FOXN1: variants seen among roughly 807,000 people sequenced by gnomAD.
The protein encoded by FOXN1 is forkhead box N1.
In FOXN1, 15 loss-of-function variants were observed where a neutral mutation model predicts 49.0. The observed-to-expected ratio is 0.31, with a 90% CI of 0.20 to 0.47. The LOEUF (loss-of-function observed/expected upper bound fraction) is 0.47, where lower values mean the gene tolerates loss of function less well. Among genes scored for constraint, FOXN1 ranks in the 20% least tolerant of loss-of-function variants. The pLI, the probability that FOXN1 is intolerant of heterozygous loss-of-function variation, is 1.00. For missense variants in FOXN1, 800 were observed against 842.8 expected (o/e 0.95, Z 0.63); for synonymous variants, 356 against 369.0 (o/e 0.96, Z 0.40).
chr17:28,528,328 AG>A (rs2069821715), intron 4 of FOXN1, among the ~76,000 whole-genome samples: 1 of 152,166 alleles, frequency 6.6e-6, no homozygotes, highest in Admixed American at 6.5e-5. Flanking sequence ...GATGTCCCTG[AG>A]GCAGGGACAG....
intron 6 of FOXN1, among the ~76,000 whole-genome samples, chr17:28,532,117 G>GA: frequency 6.6e-6 from 1 of 152,232 alleles, no homozygotes; most frequent in South Asian, 2.1e-4. Context: ...CAGAGAGAGG[G>GA]AAAAGCCCAG....
intron 1 of FOXN1, among the ~76,000 whole-genome samples, chr17:28,514,941 C>A (rs1371082829): frequency 6.6e-6 from 1 of 152,070 alleles, no homozygotes; most frequent in Non-Finnish European, 1.5e-5. Context: ...AAGGTGGGGC[C>A]GTGTAGCGTA....
At position 28,518,762 on chromosome 17, in the gene FOXN1, A is replaced by G. The variant is rs77810132; in HGVS notation, c.-14-5194A>G. ...GCCAGGGGTGCCCTCCTGGAGAGTG[A>G]GCATCTGGCGGTATGGTCATGGCTC... On this transcript the variant is annotated intron_variant, in intron 1 of 8. Coordinates refer to ENST00000579795, the MANE Select transcript of FOXN1 (RefSeq NM_001369369.1). Among the ~76,000 whole-genome samples, 3 of 152,166 alleles carry G rather than the reference A, an allele frequency of 2.0e-5. No homozygotes were observed. In the East Asian group the frequency reaches 5.8e-4, roughly 29 times the overall value.
At position 28,537,363 on chromosome 17, in the gene FOXN1, C is replaced by G; in HGVS notation, c.1874C>G (p.Pro625Arg). 1.2e-6 allele frequency: 2 copies of G among 1,612,658 alleles called. No individual in the cohort carries two copies. The highest frequency in any genetic ancestry group is 3.3e-5 in the Admixed American group (2 of 60,006). Reference protein sequence around the residue: ...TLYSAFMELEPTPPTAPAGPS... With the variant: ...TLYSAFMELERTPPTAPAGPS... ...TACTCTGCCTTTATGGAGCTGGAGC[C>G]CACGCCCCCCACGGCCCCTGCAGGC... Residue 625 changes from proline (P) to arginine (R), a missense_variant, in exon 9 of 9, where the codon CCC (proline) becomes CGC (arginine). Around this residue, in one of 3 missense-constraint regions of FOXN1, gnomAD observed 344 missense variants for 366.1 expected, o/e 0.94. Coordinates refer to ENST00000579795, the MANE Select transcript of FOXN1 (RefSeq NM_001369369.1).
chr17:28,526,477 G>A (rs1172288096), intron 3 of FOXN1, among the ~76,000 whole-genome samples: 1 of 152,204 alleles, frequency 6.6e-6, no homozygotes, highest in Non-Finnish European at 1.5e-5. Flanking sequence ...CCTCCTGTCC[G>A]TACTCACCGG....
chr17:28,525,105 C>T lies in FOXN1; in HGVS notation c.588+138C>T, dbSNP rs561116485. 151 of 739,218 alleles carry T rather than the reference C, an allele frequency of 2.0e-4. No homozygotes were observed. In the African/African-American group the frequency reaches 2.4e-3, roughly 12 times the overall value. The allele number at this position is 739,218 out of a possible 1,614,324, so 45.8% of individuals were successfully genotyped here. ...CCACTCAAGACCAGAGAGTTGGGGC[C>T]TCCTGGTCAGCTGGGGAGGGGTGTT... On this transcript the variant is annotated intron_variant, in intron 3 of 8. Transcript: ENST00000579795.
intron 6 of FOXN1, among the ~76,000 whole-genome samples, chr17:28,531,249 T>C (rs2069906444): frequency 6.6e-6 from 1 of 152,244 alleles, no homozygotes; most frequent in East Asian, 1.9e-4. Context: ...CCACGGTGAC[T>C]GGGAGGTCGG....
At chr17:28,530,587 G>A (rs924723869) in intron 5 of FOXN1, among the ~76,000 whole-genome samples, 162 bp from the exon 6 acceptor site, 6 of 152,196 alleles carry the variant, frequency 3.9e-5, no homozygotes, top group Admixed American at 1.3e-4. Context: ...ACCCTCGCAC[G>A]TCTGTAATTC....
Position 28,538,562 on chromosome 17 carries a change from T to A in FOXN1, c.*1126T>A, listed in dbSNP as rs2151504032. ...TCATAAGTTGAGGAGCACCTGTTAG[T>A]TACTTCCAACTGTCTCAGGCAACCT... On this transcript the variant is annotated 3_prime_UTR_variant, in exon 9 of 9. Transcript: ENST00000579795. The A allele has an allele frequency of 6.6e-6, 1 of 152,332 alleles. No homozygotes were observed. Among genetic ancestry groups the A allele is most frequent in the South Asian group, 2.1e-4 (1 of 4,826 alleles). 9.4% of individuals were successfully genotyped at this position (152,332 alleles called of 1,614,324 possible).
rs778470962 is a variant in FOXN1, at chr17:28,524,487, C to T, written c.124-16C>T. The T allele has an allele frequency of 1.1e-5, 18 of 1,611,706 alleles. No individual in the cohort carries two copies. The highest frequency in any genetic ancestry group is 8.3e-5 in the Admixed American group (5 of 60,008). Reference sequence around the variant, plus strand: ...TCAGCCTCCACTCACAGGCTCGCTACTCTCTGTCTACCCAGAAGCATGCCG... The same window carrying T: ...TCAGCCTCCACTCACAGGCTCGCTATTCTCTGTCTACCCAGAAGCATGCCG... On this transcript the variant is annotated splice_polypyrimidine_tract_variant and intron_variant, in intron 2 of 8. Coordinates refer to ENST00000579795, the MANE Select transcript of FOXN1 (RefSeq NM_001369369.1).
Position 28,537,504 on chromosome 17 carries a change from G to A in FOXN1, c.*68G>A. On this transcript the variant is annotated 3_prime_UTR_variant, in exon 9 of 9. Transcript: ENST00000579795. ...AAGTCCTGGCCGGCCGCCCACATCG[G>A]GCTCACCTTAAAGGTCAAGGAAGGA... The A allele has an allele frequency of 3.1e-6, 4 of 1,276,114 alleles. No individual in the cohort carries two copies. The highest frequency in any genetic ancestry group is 4.6e-6 in the Non-Finnish European group (4 of 878,636). 79.0% of individuals were successfully genotyped at this position (1,276,114 alleles called of 1,614,324 possible).
At chr17:28,526,245 A>G (rs1399042268) in intron 3 of FOXN1, among the ~76,000 whole-genome samples, 4 of 152,228 alleles carry the variant, frequency 2.6e-5, no homozygotes, top group African/African-American at 9.6e-5. Flanking sequence ...ATCATCTGTC[A>G]AATGAAGGGG....
At chr17:28,530,352 T>A (rs2069881493) in intron 5 of FOXN1, among the ~76,000 whole-genome samples, 1 of 152,188 alleles carries the variant, frequency 6.6e-6, no homozygotes, top group African/African-American at 2.4e-5. Flanking sequence ...CCAACATTCA[T>A]GCAATTGGCT....
At chr17:28,536,476 G>T (rs1170982188) in intron 8 of FOXN1, among the ~76,000 whole-genome samples, 3 of 152,178 alleles carry the variant, frequency 2.0e-5, no homozygotes, top group African/African-American at 7.2e-5. Context: ...AAGAGGGAGA[G>T]TTGGGACTGG....
rs766741628 is a variant in FOXN1, at chr17:28,529,153, C to T, written c.759C>T (p.Tyr253=). The change falls in exon 5 of 9, where the codon TAC becomes TAT. Residue 253 remains tyrosine (Y), a synonymous_variant. Transcript: ENST00000579795. ...ACCTGGGCTCCTCACACTATCAGTACCAGCGAATGGCACCCCAGGCCAGCA... is the reference window on the plus strand; with the variant it reads ...ACCTGGGCTCCTCACACTATCAGTATCAGCGAATGGCACCCCAGGCCAGCA... ...IPYLGSSHYQ[Y]QRMAPQASTD... 2 of 1,614,172 alleles carry T rather than the reference C, an allele frequency of 1.2e-6. No homozygotes were observed. Among genetic ancestry groups the T allele is most frequent in the East Asian group, 2.2e-5 (1 of 44,884 alleles).
At chr17:28,527,426 G>A (rs1056246235) in intron 4 of FOXN1, 65 bp downstream of exon 4, 3 of 903,870 alleles carry the variant, frequency 3.3e-6, no homozygotes, top group African/African-American at 3.3e-5. Flanking sequence ...TGTATGTGGT[G>A]TGTGGGTGTC....
At chr17:28,529,043 TG>T in intron 4 of FOXN1, 50 bp from the exon 5 acceptor site, 1 of 1,612,612 alleles carries the variant, frequency 6.2e-7, no homozygotes, top group Non-Finnish European at 8.5e-7. Context: ...AGGGCCCTCC[TG>T]GGAAAGGCTG....
In FOXN1 at chr17:28,523,911, A is replaced by T. The variant is rs483434; in HGVS notation, c.-14-45A>T. On this transcript the variant is annotated intron_variant, in intron 1 of 8. Coordinates refer to ENST00000579795, the MANE Select transcript of FOXN1 (RefSeq NM_001369369.1). ...AGGTGGCGAACCTGGGTTGGTCCCC[A>T]CTGGATGCTGGTCCTCACTCTCATG... The T allele has an allele frequency of 1.8e-4, 286 of 1,610,470 alleles. 1 individual carries two copies. Among genetic ancestry groups the T allele is most frequent in the Non-Finnish European group, 2.1e-4 (249 of 1,178,036 alleles).
At chr17:28,524,384 A>T in intron 2 of FOXN1, 119 bp from the exon 3 acceptor site, 1 of 926,150 alleles carries the variant, frequency 1.1e-6, no homozygotes, top group Non-Finnish European at 1.7e-6. Flanking sequence ...TCCACCATTT[A>T]GGGTCTTCCC....
Sources: gnomAD v4.1 joint callset for allele counts (sites outside exome capture counted in the v4.1 genomes callset) on GRCh38, gnomAD v4.1.1 for gene constraint, gnomAD v4.1.1 regional missense constraint, MANE v1.5 for transcripts, NCBI Gene and HGNC (gene_info 2026-07-23, HGNC 2026-07-21) for gene names.